The following RBFOX1 variants were observed in gnomAD, a reference collection of about 807,000 sequenced individuals.
The protein encoded by RBFOX1 is RNA binding protein fox-1 homolog 1.
RBFOX1 carries 8 observed loss-of-function variants against 57.7 expected under a neutral mutation model. The observed-to-expected ratio is 0.14, with a 90% CI of 0.08 to 0.25. RBFOX1 has a LOEUF of 0.25. Ranked by LOEUF, RBFOX1 falls within the 10% of genes least tolerant of loss-of-function variation. The probability of loss-of-function intolerance (pLI) is 1.00; values close to 1 mark genes in which losing one functional copy is unlikely to be tolerated. For synonymous variants in RBFOX1, 326 were observed against 222.4 expected (o/e 1.47, Z -4.15); for missense variants, 611 against 548.5 (o/e 1.11, Z -1.14).
At chr16:7,243,024 A>T (rs1181005747) in intron 4 of RBFOX1, among the ~76,000 whole-genome samples, 1 of 152,128 alleles carries the variant, frequency 6.6e-6, no homozygotes, top group Non-Finnish European at 1.5e-5. Context: ...CAGGATGTCA[A>T]GCCCTGGCAT....
At chr16:7,300,611 A>G (rs1204617809) in intron 4 of RBFOX1, among the ~76,000 whole-genome samples, 2 of 60,690 alleles carry the variant, frequency 3.3e-5, no homozygotes, top group Admixed American at 3.2e-4. Context: ...ACTCTTATAG[A>G]AAGTATTTTT....
chr16:7,123,089 T>G (rs910083813), intron 4 of RBFOX1, among the ~76,000 whole-genome samples: 1 of 152,090 alleles, frequency 6.6e-6, no homozygotes, highest in Non-Finnish European at 1.5e-5. Context: ...AGAGAGTTTT[T>G]GGGGTGATGG....
At chr16:5,535,328 A>T (rs775877539) in intron 2 of RBFOX1, among the ~76,000 whole-genome samples, 3 of 152,154 alleles carry the variant, frequency 2.0e-5, no homozygotes, top group Non-Finnish European at 4.4e-5. Flanking sequence ...GGGTGGGAGT[A>T]TGGTCCATCC....
intron 2 of RBFOX1, among the ~76,000 whole-genome samples, chr16:6,457,741 T>A (rs1443857102): frequency 2.6e-5 from 4 of 152,234 alleles, no homozygotes; most frequent in Non-Finnish European, 5.9e-5. Context: ...CCCGGTGATT[T>A]GCTGTCCTTC....
intron 2 of RBFOX1, among the ~76,000 whole-genome samples, chr16:6,479,091 T>G (rs2095329506): frequency 6.6e-6 from 1 of 152,194 alleles, no homozygotes; most frequent in Non-Finnish European, 1.5e-5. Context: ...TATGCCTGTG[T>G]GTGTGTGTGT....
At chr16:7,187,600 A>G (rs2084207369) in intron 4 of RBFOX1, among the ~76,000 whole-genome samples, 3 of 143,070 alleles carry the variant, frequency 2.1e-5, no homozygotes, top group East Asian at 2.3e-4. Context: ...GAGGCAGGAG[A>G]ATGGTGTGAA....
At chr16:7,082,293 G>T (rs1024372675) in intron 4 of RBFOX1, among the ~76,000 whole-genome samples, 4 of 151,952 alleles carry the variant, frequency 2.6e-5, no homozygotes, top group Non-Finnish European at 5.9e-5. Context: ...TTAAATGAAG[G>T]TTCCAGGCTG....
intron 12 of RBFOX1, among the ~76,000 whole-genome samples, chr16:7,654,765 C>T (rs1254027126): frequency 1.3e-5 from 2 of 152,180 alleles, no homozygotes; most frequent in South Asian, 2.1e-4. Flanking sequence ...ACCTCCAAGG[C>T]AGTGGCCCTA....
chr16:5,942,976 G>A (rs1383695541), intron 4 of RBFOX1, among the ~76,000 whole-genome samples: 1 of 152,172 alleles, frequency 6.6e-6, no homozygotes, highest in Non-Finnish European at 1.5e-5. Flanking sequence ...ACTGCTCCAG[G>A]TGGGCTGCCA....
chr16:5,850,971 A>T (rs1209641779), intron 3 of RBFOX1, among the ~76,000 whole-genome samples: 2 of 152,180 alleles, frequency 1.3e-5, no homozygotes, highest in Non-Finnish European at 2.9e-5. Context: ...CCGGAGGCTC[A>T]TGCATCCTCT....
intron 1 of RBFOX1, among the ~76,000 whole-genome samples, chr16:6,066,967 G>C (rs182001771): frequency 6.6e-6 from 1 of 152,106 alleles, no homozygotes; most frequent in African/African-American, 2.4e-5. Flanking sequence ...AGTAGGGGGC[G>C]GGGGAGGGCG....
chr16:5,769,667 A>C (rs1226630110), intron 3 of RBFOX1, among the ~76,000 whole-genome samples: 1 of 152,032 alleles, frequency 6.6e-6, no homozygotes, highest in Non-Finnish European at 1.5e-5. Flanking sequence ...AAGGAGGAGA[A>C]ATTTGGACAC....
intron 1 of RBFOX1, among the ~76,000 whole-genome samples, chr16:5,454,948 TTCCTTCCTTC>T (rs2068571005): frequency 3.1e-3 from 163 of 53,432 alleles, no homozygotes; most frequent in Non-Finnish European, 3.8e-3. Flanking sequence ...CCTTCCTTCC[TTCCTTCCTTC>T]CTTTCTTTCT....
At chr16:7,356,950 G>T (rs1434071239) in intron 4 of RBFOX1, among the ~76,000 whole-genome samples, 1 of 152,158 alleles carries the variant, frequency 6.6e-6, no homozygotes, top group African/African-American at 2.4e-5. Flanking sequence ...AAGTCTTGTT[G>T]CCTCTAGTTT....
At chr16:7,210,592 C>T (rs921046046) in intron 4 of RBFOX1, among the ~76,000 whole-genome samples, 2 of 149,896 alleles carry the variant, frequency 1.3e-5, no homozygotes, top group African/African-American at 2.5e-5. Context: ...TAAGACTGAC[C>T]GTCATACTGA....
chr16:6,868,763 A>G (rs1017227062), intron 3 of RBFOX1, among the ~76,000 whole-genome samples: 1 of 152,078 alleles, frequency 6.6e-6, no homozygotes, highest in African/African-American at 2.4e-5. Flanking sequence ...GAGCCATTGC[A>G]CCCGGCCAGT....
intron 3 of RBFOX1, among the ~76,000 whole-genome samples, chr16:6,698,568 C>T (rs960599822): frequency 1.1e-4 from 16 of 152,276 alleles, no homozygotes; most frequent in Middle Eastern, 3.4e-3. Flanking sequence ...AAGTCATCAT[C>T]GTCAATTAGT....
At chr16:6,680,171 G>C (rs995621913) in intron 3 of RBFOX1, among the ~76,000 whole-genome samples, 4 of 151,698 alleles carry the variant, frequency 2.6e-5, no homozygotes, top group Non-Finnish European at 5.9e-5. Context: ...AGAAGAGATA[G>C]AATAGCAATT....
intron 3 of RBFOX1, among the ~76,000 whole-genome samples, chr16:6,699,150 C>T (rs958933576): frequency 6.6e-6 from 1 of 152,172 alleles, no homozygotes; most frequent in Non-Finnish European, 1.5e-5. Flanking sequence ...AAGTGCCACC[C>T]AGGCACCCCT....
Sources: gnomAD v4.1 joint callset for allele counts (sites outside exome capture counted in the v4.1 genomes callset) on GRCh38, gnomAD v4.1.1 for gene constraint, MANE v1.5 for transcripts, NCBI Gene and HGNC (gene_info 2026-07-23, HGNC 2026-07-21) for gene names.